ADAMTS3: variants seen among roughly 807,000 people sequenced by gnomAD.
ADAMTS3 encodes the protein A disintegrin and metalloproteinase with thrombospondin motifs 3.
ADAMTS3 carries 73 observed loss-of-function variants against 129.0 expected under a neutral mutation model. That is an observed-to-expected ratio of 0.57 (90% CI 0.47 to 0.69). ADAMTS3 has a LOEUF of 0.69. ADAMTS3 is among the 30% of genes least tolerant of loss of function. The pLI, the probability that ADAMTS3 is intolerant of heterozygous loss-of-function variation, is 0.00. For missense variants in ADAMTS3, 1,457 were observed against 1,514.5 expected (o/e 0.96, Z 0.63); for synonymous variants, 477 against 510.8 (o/e 0.93, Z 0.89).
intron 3 of ADAMTS3, among the ~76,000 whole-genome samples, chr4:72,440,268 A>C (rs1718073062): frequency 6.6e-6 from 1 of 151,780 alleles, no homozygotes; most frequent in Admixed American, 6.6e-5. Flanking sequence ...CCACACATCA[A>C]AGTATACTAA....
At chr4:72,527,537 C>T (rs974761470) in intron 3 of ADAMTS3, among the ~76,000 whole-genome samples, 8 of 152,058 alleles carry the variant, frequency 5.3e-5, no homozygotes, top group African/African-American at 1.4e-4. Context: ...AATGACTCAG[C>T]CAAGTTCTAT....
chr4:72,390,665 G>T (rs1220791922), intron 4 of ADAMTS3, among the ~76,000 whole-genome samples: 1 of 152,092 alleles, frequency 6.6e-6, no homozygotes, highest in Non-Finnish European at 1.5e-5. Context: ...AAAAGGGTAT[G>T]TTTCTCCTGT....
At chr4:72,516,403 C>T (rs182716121) in intron 3 of ADAMTS3, among the ~76,000 whole-genome samples, 4 of 151,986 alleles carry the variant, frequency 2.6e-5, no homozygotes, top group Admixed American at 6.6e-5. Flanking sequence ...GGGGATGGCA[C>T]CAAATCTATA....
intron 4 of ADAMTS3, among the ~76,000 whole-genome samples, chr4:72,354,500 T>G (rs900205790): frequency 6.6e-5 from 10 of 152,038 alleles, no homozygotes; most frequent in Admixed American, 6.6e-4. Flanking sequence ...AGGTGGTCCT[T>G]TGCAAGATCT....
chr4:72,381,391 G>A (rs983782186), intron 4 of ADAMTS3, among the ~76,000 whole-genome samples: 3 of 151,914 alleles, frequency 2.0e-5, no homozygotes, highest in African/African-American at 7.3e-5. Context: ...AGTGCTATTG[G>A]ATTAATTTTG....
At chr4:72,490,441 G>A (rs755798550) in intron 3 of ADAMTS3, among the ~76,000 whole-genome samples, 14 of 151,854 alleles carry the variant, frequency 9.2e-5, no homozygotes, top group Non-Finnish European at 1.3e-4. Context: ...ATGTCATGAA[G>A]CTTTTTTCTT....
chr4:72,309,419 A>C lies in ADAMTS3; in HGVS notation c.2157T>G (p.Phe719Leu). 1 of 1,612,046 alleles carries C rather than the reference A, an allele frequency of 6.2e-7. No individual in the cohort carries two copies. The highest frequency in any genetic ancestry group is 8.5e-7 in the Non-Finnish European group (1 of 1,178,528). ...TACCAAGCTTCCTGGGAGTTCTGGT[A>C]AATGTCCCCTTCACGGTTCGGCAGT... ...NSHCRTVKGT[F>L]TRTPRKLGYL... is the part of the protein sequence containing the mutation. The change falls in exon 15 of 22, where the codon TTT (phenylalanine) becomes TTG (leucine). Residue 719 changes from phenylalanine (F) to leucine (L), a missense_variant. Phe to Leu is a conservative substitution (Grantham distance 22, BLOSUM62 0). Coordinates refer to ENST00000286657, the MANE Select transcript of ADAMTS3 (RefSeq NM_014243.3).
intron 3 of ADAMTS3, among the ~76,000 whole-genome samples, chr4:72,516,269 G>A (rs999063700): frequency 7.2e-5 from 11 of 152,256 alleles, no homozygotes; most frequent in Non-Finnish European, 1.0e-4. Context: ...GTCAGGTAGC[G>A]TGATGCCTCC....
At chr4:72,434,859 C>T (rs572885951) in intron 3 of ADAMTS3, among the ~76,000 whole-genome samples, 39 of 151,826 alleles carry the variant, frequency 2.6e-4, no homozygotes, top group South Asian at 4.2e-4. Context: ...GGCAGTGAGC[C>T]GTCTATGCAG....
chr4:72,329,423 A>G (rs1719782525), intron 5 of ADAMTS3, among the ~76,000 whole-genome samples: 1 of 152,186 alleles, frequency 6.6e-6, no homozygotes, highest in African/African-American at 2.4e-5. Flanking sequence ...AGCTCAACAT[A>G]TATTAGAGAA....
chr4:72,524,694 G>A (rs1720764224), intron 3 of ADAMTS3, among the ~76,000 whole-genome samples: 2 of 152,052 alleles, frequency 1.3e-5, no homozygotes, highest in African/African-American at 4.8e-5. Flanking sequence ...TCTCTTCACT[G>A]ATATTAAATA....
chr4:72,482,895 TA>T (rs1427582876), intron 3 of ADAMTS3, among the ~76,000 whole-genome samples: 1 of 151,962 alleles, frequency 6.6e-6, no homozygotes, highest in Non-Finnish European at 1.5e-5. Context: ...AGGCTAAAAA[TA>T]AAAAAACCCA....
chr4:72,548,890 G>A lies in ADAMTS3; in HGVS notation c.98-6C>T, dbSNP rs1229457260. 7 of 1,598,394 alleles carry A rather than the reference G, an allele frequency of 4.4e-6. No homozygotes were observed. The highest frequency in any genetic ancestry group is 6.0e-6 in the Non-Finnish European group (7 of 1,172,362). ...ATATCTCTTTATTGGTAAATCTGTG[G>A]GGTGAAAAACAGAACTGTCAAACCC... is the stretch of plus-strand genomic sequence containing the variant. On this transcript the variant is annotated splice_region_variant and splice_polypyrimidine_tract_variant and intron_variant, in intron 2 of 21. Transcript: ENST00000286657.
At chr4:72,413,892 AACTT>A (rs1722241136) in intron 4 of ADAMTS3, among the ~76,000 whole-genome samples, 1 of 150,872 alleles carries the variant, frequency 6.6e-6, no homozygotes, top group South Asian at 2.1e-4. Flanking sequence ...AAGATATGTT[AACTT>A]TAAAGTTATC....
intron 3 of ADAMTS3, among the ~76,000 whole-genome samples, chr4:72,468,521 G>GT (rs1319715206): frequency 2.4e-4 from 36 of 152,086 alleles, no homozygotes; most frequent in African/African-American, 7.9e-4. Flanking sequence ...GGAACTTGAT[G>GT]TATCAGTTAT....
intron 4 of ADAMTS3, among the ~76,000 whole-genome samples, chr4:72,353,899 C>T (rs1720507787): frequency 6.6e-6 from 1 of 151,926 alleles, no homozygotes; most frequent in South Asian, 2.1e-4. Context: ...TGATTCTTTA[C>T]TGTTGTGGAG....
At chr4:72,462,707 A>C (rs1718804507) in intron 3 of ADAMTS3, among the ~76,000 whole-genome samples, 1 of 152,000 alleles carries the variant, frequency 6.6e-6, no homozygotes, top group Non-Finnish European at 1.5e-5. Flanking sequence ...GAAATAGTTT[A>C]AACATGTTTT....
At chr4:72,358,192 A>G (rs1286713641) in intron 4 of ADAMTS3, among the ~76,000 whole-genome samples, 1 of 151,728 alleles carries the variant, frequency 6.6e-6, no homozygotes, top group South Asian at 2.1e-4. Flanking sequence ...TCCCCTCTAT[A>G]CTCTTGACAT....
At chr4:72,314,908 C>T (rs1719351331) in intron 11 of ADAMTS3, among the ~76,000 whole-genome samples, 4 of 152,122 alleles carry the variant, frequency 2.6e-5, no homozygotes, top group African/African-American at 7.2e-5. Context: ...TTTGGTCCTG[C>T]CTACAATTTC....
Sources: allele counts gnomAD v4.1 joint callset (sites outside exome capture counted in the v4.1 genomes callset), GRCh38; gene constraint gnomAD v4.1.1; transcripts MANE v1.5; gene names NCBI Gene and HGNC (gene_info 2026-07-23, HGNC 2026-07-21).